SNTG1: variants seen among roughly 807,000 people sequenced by gnomAD.
The protein encoded by SNTG1 is syntrophin gamma 1.
A neutral mutation model predicts 74.7 loss-of-function variants in SNTG1; 39 were observed. That is an observed-to-expected ratio of 0.52 (90% CI 0.40 to 0.68). The LOEUF is 0.68. SNTG1 is among the 30% of genes least tolerant of loss of function. The probability of loss-of-function intolerance (pLI) is 0.00; values close to 1 mark genes in which losing one functional copy is unlikely to be tolerated. For missense variants in SNTG1, 685 were observed against 609.5 expected, an observed-to-expected ratio of 1.12 and a Z score of -1.30; for synonymous variants, 254 against 217.1, an observed-to-expected ratio of 1.17 and a Z score of -1.49.
intron 1 of SNTG1, among the ~76,000 whole-genome samples, chr8:49,982,413 G>T (rs943942881): frequency 6.6e-6 from 1 of 151,866 alleles, no homozygotes; most frequent in Non-Finnish European, 1.5e-5. Flanking sequence ...AAATACAAAA[G>T]AATTCTGATA....
At chr8:50,732,099 A>G (rs901557282) in intron 17 of SNTG1, among the ~76,000 whole-genome samples, 1 of 151,998 alleles carries the variant, frequency 6.6e-6, no homozygotes, top group Admixed American at 6.6e-5. Flanking sequence ...CCTCTTTCAT[A>G]TGACTCTAAT....
intron 11 of SNTG1, among the ~76,000 whole-genome samples, chr8:50,538,742 T>G (rs1280155361): frequency 2.6e-5 from 4 of 152,122 alleles, no homozygotes; most frequent in African/African-American, 9.7e-5. Flanking sequence ...TTAGGAAAGT[T>G]TTTGACCTTT....
intron 2 of SNTG1, among the ~76,000 whole-genome samples, chr8:50,230,496 C>T (rs1200317409): frequency 1.3e-5 from 2 of 151,300 alleles, no homozygotes; most frequent in Admixed American, 1.3e-4. Flanking sequence ...ACTACCTCAA[C>T]TTGTCCAATA....
chr8:50,186,826 A>G (rs1001403065), intron 2 of SNTG1, among the ~76,000 whole-genome samples: 1 of 152,058 alleles, frequency 6.6e-6, no homozygotes, highest in South Asian at 2.1e-4. Flanking sequence ...ATTTTCTCCC[A>G]TTCTGTAGGT....
At chr8:50,531,158 C>A (rs1232882481) in intron 10 of SNTG1, among the ~76,000 whole-genome samples, 1 of 152,112 alleles carries the variant, frequency 6.6e-6, no homozygotes, top group Admixed American at 6.6e-5. Flanking sequence ...TTTCACGGTA[C>A]CTGATTTCCC....
At chr8:50,651,701 C>G (rs1443141584) in intron 13 of SNTG1, among the ~76,000 whole-genome samples, 1 of 152,082 alleles carries the variant, frequency 6.6e-6, no homozygotes, top group African/African-American at 2.4e-5. Context: ...AGGTGATCCA[C>G]CCACCTCGGC....
chr8:50,232,374 C>G (rs567931855), intron 2 of SNTG1, among the ~76,000 whole-genome samples: 14 of 151,366 alleles, frequency 9.2e-5, no homozygotes, highest in African/African-American at 3.1e-4. Context: ...GACAATTCAG[C>G]ACACATTTAT....
intron 1 of SNTG1, among the ~76,000 whole-genome samples, chr8:50,066,952 C>T (rs541411641): frequency 1.3e-5 from 2 of 152,214 alleles, no homozygotes; most frequent in South Asian, 2.1e-4. Context: ...AAAAGAAGGA[C>T]GATGAATTTG....
chr8:50,189,409 A>C (rs1213356057), intron 2 of SNTG1, among the ~76,000 whole-genome samples: 1 of 152,102 alleles, frequency 6.6e-6, no homozygotes, highest in Non-Finnish European at 1.5e-5. Flanking sequence ...GATTCGGTAG[A>C]TGTGGGAAGG....
intron 18 of SNTG1, among the ~76,000 whole-genome samples, chr8:50,769,873 A>G (rs1051519939): frequency 1.3e-5 from 2 of 152,118 alleles, no homozygotes; most frequent in Non-Finnish European, 2.9e-5. Context: ...TTACATCAAA[A>G]TCCTAAAAGA....
At chr8:50,757,035 T>A (rs1447228336) in intron 18 of SNTG1, among the ~76,000 whole-genome samples, 1 of 151,756 alleles carries the variant, frequency 6.6e-6, no homozygotes, top group African/African-American at 2.4e-5. Flanking sequence ...CTTTCCCTTT[T>A]TTATAATTTT....
chr8:50,725,867 T>C (rs1421341667), intron 17 of SNTG1, among the ~76,000 whole-genome samples: 3 of 152,216 alleles, frequency 2.0e-5, no homozygotes, highest in Admixed American at 6.5e-5. Context: ...AACAAAGCCT[T>C]GTGCCGATGC....
intron 4 of SNTG1, among the ~76,000 whole-genome samples, chr8:50,422,520 T>C (rs1242336147): frequency 1.3e-5 from 2 of 152,152 alleles, no homozygotes; most frequent in Non-Finnish European, 2.9e-5. Context: ...AAGAGTTTAA[T>C]TGACATGAGT....
chr8:50,454,034 A>C (rs1158742558), intron 8 of SNTG1, among the ~76,000 whole-genome samples: 1 of 152,222 alleles, frequency 6.6e-6, no homozygotes, highest in Non-Finnish European at 1.5e-5. Context: ...TTGTACCTCC[A>C]AGAGACCAAA....
chr8:50,396,861 T>A lies in SNTG1; in HGVS notation c.27+2596T>A, dbSNP rs566455812. On this transcript the variant is annotated intron_variant, in intron 3 of 18. Transcript: ENST00000642720. ...AACCTAGGTCCTATGTTTAAGAAAC[T>A]ACAAATTCTTAATAAGTTTAAATGT... Among the ~76,000 whole-genome samples, 258 of 152,326 alleles carry A rather than the reference T, an allele frequency of 1.7e-3. 2 individuals carry two copies. Among genetic ancestry groups the A allele is most frequent in the Middle Eastern group, 3.4e-3 (1 of 294 alleles).
chr8:50,245,980 A>T (rs1489211266), intron 2 of SNTG1, among the ~76,000 whole-genome samples: 1 of 151,950 alleles, frequency 6.6e-6, no homozygotes, highest in Non-Finnish European at 1.5e-5. Flanking sequence ...TTATAATTTC[A>T]AAAGCCATGG....
At chr8:50,144,378 G>T (rs749203471) in intron 1 of SNTG1, among the ~76,000 whole-genome samples, 2 of 152,136 alleles carry the variant, frequency 1.3e-5, no homozygotes, top group African/African-American at 4.8e-5. Flanking sequence ...AAATGATAGT[G>T]GTGAGTATGA....
At chr8:49,995,314 G>T (rs934993137) in intron 1 of SNTG1, among the ~76,000 whole-genome samples, 5 of 152,126 alleles carry the variant, frequency 3.3e-5, no homozygotes, top group Non-Finnish European at 5.9e-5. Context: ...TTTTTAGGTG[G>T]CTTTTTAAAA....
At chr8:50,370,319 A>G (rs1315919098) in intron 2 of SNTG1, among the ~76,000 whole-genome samples, 1 of 152,198 alleles carries the variant, frequency 6.6e-6, no homozygotes, top group Non-Finnish European at 1.5e-5. Flanking sequence ...ATCAAAATGC[A>G]ACTTGAACTC....
Sources: gnomAD v4.1 joint callset for allele counts (sites outside exome capture counted in the v4.1 genomes callset) on GRCh38, gnomAD v4.1.1 for gene constraint, MANE v1.5 for transcripts, NCBI Gene and HGNC (gene_info 2026-07-23, HGNC 2026-07-21) for gene names.